Variants in TPM1 observed in about 807,000 individuals in gnomAD.
The protein encoded by TPM1 is tropomyosin 1, also known as tropomyosin alpha-1 chain.
Under a neutral mutation model 42.9 loss-of-function variants are expected in TPM1, and 24 were observed. The ratio of observed to expected loss-of-function variants is 0.56; its 90% CI spans 0.41 to 0.79. TPM1 has a LOEUF of 0.79. Ranked by LOEUF, TPM1 falls within the 30% of genes least tolerant of loss-of-function variation. The probability of loss-of-function intolerance (pLI) is 0.00; values close to 1 mark genes in which losing one functional copy is unlikely to be tolerated. For synonymous variants in TPM1, 136 were observed against 130.1 expected (o/e 1.05, Z -0.31); for missense variants, 158 against 351.8 (o/e 0.45, Z 4.41).
chr15:63,070,381 T>C, downstream of TPM1: 1 of 996,972 alleles, frequency 1.0e-6, no homozygotes, highest in Non-Finnish European at 1.2e-6. Context: ...TGGTATAGTG[T>C]TTGAAATATG....
intron 2 of TPM1, 107 bp downstream of exon 2, chr15:63,044,259 C>G: frequency 2.0e-6 from 3 of 1,526,820 alleles, no homozygotes; most frequent in East Asian, 2.3e-5. Flanking sequence ...TCCTGCTGGA[C>G]ACCTGCACAC....
intron 2 of TPM1, chr15:63,045,613 G>T (rs979698105): frequency 6.6e-6 from 1 of 152,196 alleles, no homozygotes. Flanking sequence ...CAGAGAATTT[G>T]AAAATAGCCC....
At chr15:63,048,629 G>A (rs1381950205) in intron 2 of TPM1, 2 of 1,536,934 alleles carry the variant, frequency 1.3e-6, no homozygotes, top group Admixed American at 2.0e-5. Context: ...GGAGCCTGCA[G>A]GAGCAGGCGG....
At chr15:63,065,001 T>A (rs1044480851) in intron 9 of TPM1, 1 of 985,188 alleles carries the variant, frequency 1.0e-6, no homozygotes, top group African/African-American at 1.7e-5. Context: ...AAAAGAACCC[T>A]CTGCTGAGTA....
chr15:63,064,511 C>A, intron 9 of TPM1: 2 of 1,096,464 alleles, frequency 1.8e-6, no homozygotes, highest in Non-Finnish European at 2.2e-6. Context: ...AAATTTGTTT[C>A]CTGAAATTCA....
chr15:63,069,205 A>G (rs183310480), downstream of TPM1, among the ~76,000 whole-genome samples: 1 of 152,298 alleles, frequency 6.6e-6, no homozygotes, highest in African/African-American at 2.4e-5. Flanking sequence ...GAGTGGTGAC[A>G]AGTGCTTGTT....
chr15:63,053,185 A>G (rs547454223), intron 2 of TPM1, among the ~76,000 whole-genome samples: 12 of 152,310 alleles, frequency 7.9e-5, no homozygotes, highest in Admixed American at 7.2e-4. Flanking sequence ...TTTCAATTTT[A>G]TATCCTGCCT....
downstream of TPM1, chr15:63,069,898 T>C: frequency 1.9e-6 from 3 of 1,614,106 alleles, 1 homozygote; most frequent in South Asian, 2.2e-5. Context: ...TTGAGCAAAA[T>C]CGCCGCCTCA....
rs1419972185 is a variant in TPM1 at position 63,066,067 on chromosome 15, A to C, written c.*168A>C. The stretch of plus-strand genomic sequence containing the variant: ...CTATTGTACAGAAGCTCTTCGTTTC[A>C]GTGTCAAATAAACACTGTGTAAGCT... On this transcript the variant is annotated 3_prime_UTR_variant, in exon 10 of 10. Coordinates refer to ENST00000403994, the MANE Select transcript of TPM1 (RefSeq NM_001018005.2). 3 of 1,535,426 alleles carry C rather than the reference A, an allele frequency of 2.0e-6. No individual in the cohort carries two copies. Among genetic ancestry groups the C allele is most frequent in the African/African-American group, 2.8e-5 (2 of 72,704 alleles).
In TPM1 at chr15:63,065,679, G is replaced by T. The variant is rs931127744; in HGVS notation, c.852-217G>T. 6.1e-6 allele frequency: 6 copies of T among 979,238 alleles called. No homozygotes were observed. The African/African-American group carries it at 1.1e-4, about 17-fold the overall frequency. The allele number at this position is 979,238 out of a possible 1,614,324, so 60.7% of individuals were successfully genotyped here. On this transcript the variant is annotated intron_variant, in intron 9 of 9. Transcript: ENST00000403994. ...TTTTGTTTTTAAATTCTGTTCATGG[G>T]TCTTCTTAAAATGGACCCTTGCCGA...
chr15:63,048,300 C>A (rs2140712749), intron 2 of TPM1: 4 of 853,966 alleles, frequency 4.7e-6, no homozygotes, highest in Non-Finnish European at 6.9e-6. Flanking sequence ...CCTTTCTCCC[C>A]GCCGCCGCGA....
intron 4 of TPM1, 64 bp from the exon 5 acceptor site, chr15:63,060,805 A>C: frequency 6.3e-7 from 1 of 1,577,140 alleles, no homozygotes; most frequent in African/African-American, 1.3e-5. Flanking sequence ...CTCTACCCCC[A>C]TGCCCTTCTG....
At chr15:63,068,152 C>T (rs2036389278), downstream of TPM1, among the ~76,000 whole-genome samples, 1 of 152,188 alleles carries the variant, frequency 6.6e-6, no homozygotes, top group Admixed American at 6.5e-5. Context: ...TGTCTTGGAA[C>T]CCCCAAGCAT....
At position 63,061,740 on chromosome 15, in the gene TPM1, GA is replaced by G; in HGVS notation, c.595del (p.Thr199LeufsTer2). ...AATGTGCCGAGCTTGAAGAAGAATT[GA>G]AAACTGTGACGAACAACTTGAAGTC... ...GKCAELEEEL[K>X]TVTNNLKSLE... On this transcript the variant is annotated frameshift_variant, in exon 6 of 10. Transcript: ENST00000403994. LOFTEE classifies it high-confidence loss of function. 6.2e-7 allele frequency: 1 copy of G among 1,614,094 alleles called. No homozygotes were observed. Among genetic ancestry groups the G allele is most frequent in the South Asian group, 1.1e-5 (1 of 91,080 alleles).
intron 9 of TPM1, chr15:63,065,132 G>A: frequency 2.0e-6 from 2 of 985,508 alleles, no homozygotes; most frequent in African/African-American, 3.5e-5. Flanking sequence ...GAGCTTGGGA[G>A]TTAATGGCCC....
chr15:63,068,608 C>T (rs544390553), downstream of TPM1, among the ~76,000 whole-genome samples: 1 of 152,244 alleles, frequency 6.6e-6, no homozygotes, highest in Admixed American at 6.5e-5. Context: ...AAGTTGTCAC[C>T]AGCATTCAAA....
At chr15:63,051,373 C>G (rs188456004) in intron 2 of TPM1, among the ~76,000 whole-genome samples, 9 of 152,168 alleles carry the variant, frequency 5.9e-5, no homozygotes, top group African/African-American at 1.9e-4. Context: ...TGTATACTCT[C>G]GATTTCCGCT....
At chr15:63,052,341 G>A (rs1174102548) in intron 2 of TPM1, among the ~76,000 whole-genome samples, 1 of 152,084 alleles carries the variant, frequency 6.6e-6, no homozygotes, top group Non-Finnish European at 1.5e-5. Flanking sequence ...TAGCCAACAT[G>A]GCAAAATCCC....
rs876661396 is a variant in TPM1 at position 63,042,898 on chromosome 15, G to C, written c.69G>C (p.Glu23Asp). Residue 23 changes from glutamate to aspartate, a missense_variant, in exon 1 of 10, where the codon GAG (glutamate) becomes GAC (aspartate). Around this residue, in one of 4 missense-constraint regions of TPM1, gnomAD observed 24 missense variants for 26.8 expected, o/e 0.89. Coordinates refer to ENST00000403994, the MANE Select transcript of TPM1 (RefSeq NM_001018005.2). ...LDKENALDRA[E>D]QAEADKKAAE... is the part of the protein sequence containing the mutation. ...AGGAGAACGCCTTGGATCGAGCTGA[G>C]CAGGCGGAGGCCGACAAGAAGGCGG... 6.2e-7 allele frequency: 1 copy of C among 1,611,924 alleles called. No homozygotes were observed. The highest frequency in any genetic ancestry group is 8.5e-7 in the Non-Finnish European group (1 of 1,179,036).
Sources: allele counts gnomAD v4.1 joint callset (sites outside exome capture counted in the v4.1 genomes callset), GRCh38; gene constraint gnomAD v4.1.1; regional missense constraint gnomAD v4.1.1; transcripts MANE v1.5; gene names NCBI Gene and HGNC (gene_info 2026-07-23, HGNC 2026-07-21).